The following ARHGEF40 variants were observed in gnomAD, a reference collection of about 807,000 sequenced individuals.
ARHGEF40 encodes Rho guanine nucleotide exchange factor 40.
ARHGEF40 carries 98 observed loss-of-function variants against 165.9 expected under a neutral mutation model. The ratio of observed to expected loss-of-function variants is 0.59; its 90% CI spans 0.50 to 0.70. The LOEUF is 0.70. Ranked by LOEUF, ARHGEF40 falls within the 30% of genes least tolerant of loss-of-function variation. The pLI is 0.00. For synonymous variants in ARHGEF40, 792 were observed against 814.3 expected (o/e 0.97, Z 0.47); for missense variants, 1,815 against 1,968.0 (o/e 0.92, Z 1.47).
At chr14:21,064,404 C>T in the ARHGEF40 span, among the ~76,000 whole-genome samples, 1 of 151,930 alleles carries the variant, frequency 6.6e-6, no homozygotes, top group Non-Finnish European at 1.5e-5. Flanking sequence ...TGGGTTCAAG[C>T]GATTCTCCTG....
At position 21,074,224 on chromosome 14, in the gene ARHGEF40, G is replaced by C. The variant is rs1887207492; in HGVS notation, c.494G>C (p.Cys165Ser). Residue 165 changes from cysteine (C) to serine (S), a missense_variant, in exon 3 of 24, where the codon TGC becomes TCC. By Grantham distance (112) the Cys-to-Ser change is moderately radical (BLOSUM62 -1). Transcript: ENST00000298694. The surrounding 1 kb of genome is among the most constrained non-coding windows in gnomAD (Gnocchi z 4.8). ...CGGCCAACAGGTCGCCTCAGTACCT[G>C]CCTACTGTCTGCGCCCTCTGGGATT... ...KDRPTGRLST[C>S]LLSAPSGIQR... is the part of the protein sequence containing the mutation. The C allele has an allele frequency of 6.2e-7, 1 of 1,614,026 alleles. No homozygotes were observed. Among genetic ancestry groups the C allele is most frequent in the South Asian group, 1.1e-5 (1 of 91,096 alleles).
At chr14:21,076,542 G>T (rs769019410) in intron 6 of ARHGEF40, 21 bp from the exon 7 acceptor site, 1 of 1,614,062 alleles carries the variant, frequency 6.2e-7, no homozygotes, top group African/African-American at 1.3e-5. Context: ...CCAGTTTAGG[G>T]TTATTCTTTT....
Position 21,073,327 on chromosome 14 carries a change from C to G in ARHGEF40, c.201+85C>G. Reference sequence around the variant, plus strand: ...CTAGCCAGGCTGACTAATGCCCCCACTAACCTAGAGATACAGCCTCCCTTG... The same window carrying G: ...CTAGCCAGGCTGACTAATGCCCCCAGTAACCTAGAGATACAGCCTCCCTTG... On this transcript the variant is annotated intron_variant, in intron 2 of 23. Coordinates refer to ENST00000298694, the MANE Select transcript of ARHGEF40 (RefSeq NM_018071.5). The surrounding 1 kb of genome is among the most constrained non-coding windows in gnomAD (Gnocchi z 4.6). 7.1e-7 allele frequency: 1 copy of G among 1,408,874 alleles called. No individual in the cohort carries two copies. Among genetic ancestry groups the G allele is most frequent in the South Asian group, 1.3e-5 (1 of 75,494 alleles). 87.3% of individuals were successfully genotyped at this position (1,408,874 alleles called of 1,614,324 possible).
chr14:21,078,084 T>A (rs986813992), intron 8 of ARHGEF40, 93 bp from the exon 9 acceptor site: 5 of 1,159,220 alleles, frequency 4.3e-6, no homozygotes, highest in Non-Finnish European at 4.8e-6. Context: ...ATTGCCTCCA[T>A]AAAAGTCTCT....
In ARHGEF40 at chr14:21,076,793, A is replaced by G; in HGVS notation, c.1937A>G (p.Glu646Gly). 1 of 1,614,130 alleles carries G rather than the reference A, an allele frequency of 6.2e-7. No homozygotes were observed. Among genetic ancestry groups the G allele is most frequent in the Middle Eastern group, 1.7e-4 (1 of 6,040 alleles). ...CTACAGGGTGCTGAGGTGCTGTCAG[A>G]GAATGATCTGAAAAGAGTGGCCAAG... ...CGFQGAEVLS[E>G]NDLKRVAKPE... Residue 646 changes from glutamate to glycine, a missense_variant, in exon 8 of 24, where the codon GAG becomes GGG. Physicochemically the swap from Glu to Gly is moderately conservative, Grantham distance 98. Transcript: ENST00000298694.
the ARHGEF40 span, among the ~76,000 whole-genome samples, chr14:21,061,864 C>T: frequency 5.9e-5 from 9 of 152,114 alleles, no homozygotes; most frequent in Admixed American, 2.6e-4. Context: ...TTGAATCATC[C>T]TATTTAGAAA....
Position 21,072,868 on chromosome 14 carries a change from G to C in ARHGEF40, c.4-177G>C, listed in dbSNP as rs1242709935. Among the ~76,000 whole-genome samples the C allele has an allele frequency of 6.6e-6, 1 of 152,156 alleles. No homozygotes were observed. The highest frequency in any genetic ancestry group is 1.9e-4 in the East Asian group (1 of 5,186). On this transcript the variant is annotated intron_variant, in intron 1 of 23. Transcript: ENST00000298694. The surrounding 1 kb of genome is among the most constrained non-coding windows in gnomAD (Gnocchi z 4.1). Reference sequence around the variant, plus strand: ...GCGCCCTGCCAGGTTTGTGCACTCTGGCCCAGCCCCACTCCTGTTCTGGGC... The same window carrying C: ...GCGCCCTGCCAGGTTTGTGCACTCTCGCCCAGCCCCACTCCTGTTCTGGGC...
chr14:21,078,148 T>G, intron 8 of ARHGEF40, 29 bp from the exon 9 acceptor site: 2 of 1,593,334 alleles, frequency 1.3e-6, no homozygotes, highest in Non-Finnish European at 1.7e-6. Context: ...ACTCTGATCC[T>G]CAACTCCATC....
intron 11 of ARHGEF40, among the ~76,000 whole-genome samples, chr14:21,080,000 G>A (rs3827911): frequency 0.62 from 94,100 of 151,944 alleles, 29,399 homozygotes; most frequent in African/African-American, 0.68. Flanking sequence ...GAAAGATCAA[G>A]TGAATTCAGC....
chr14:21,071,552 C>G (rs1489884928), intron 1 of ARHGEF40, among the ~76,000 whole-genome samples: 1 of 152,202 alleles, frequency 6.6e-6, no homozygotes, highest in Non-Finnish European at 1.5e-5. Context: ...TCTCTGGTCC[C>G]CGCCGGCAGG....
rs1312714471 is a variant in ARHGEF40 at position 21,073,953 on chromosome 14, T to C, written c.223T>C (p.Phe75Leu). 2 of 1,605,836 alleles carry C rather than the reference T, an allele frequency of 1.2e-6. No homozygotes were observed. Among genetic ancestry groups the C allele is most frequent in the Non-Finnish European group, 1.7e-6 (2 of 1,179,410 alleles). ...EACAQYSGFL[F>L]FHEGWPLCLH... Reference sequence around the variant, plus strand: ...CCAGGCCCAATACAGTGGATTCCTCTTCTTCCATGAGGGGTGGCCGCTCTG... The same window carrying C: ...CCAGGCCCAATACAGTGGATTCCTCCTCTTCCATGAGGGGTGGCCGCTCTG... The change falls in exon 3 of 24, where the codon TTC becomes CTC. Residue 75 changes from phenylalanine to leucine, a missense_variant. By Grantham distance (22) the Phe-to-Leu change is conservative. Transcript: ENST00000298694. The surrounding 1 kb of genome is among the most constrained non-coding windows in gnomAD (Gnocchi z 4.6).
Position 21,074,321 on chromosome 14 carries a change from G to A in ARHGEF40, c.591G>A (p.Gln197=), listed in dbSNP as rs780519105. 2 of 1,614,164 alleles carry A rather than the reference G, an allele frequency of 1.2e-6. No homozygotes were observed. The highest frequency in any genetic ancestry group is 1.7e-5 in the Admixed American group (1 of 60,026). The part of the protein sequence containing the change: ...VHKEGLMVGH[Q]PSTLPPELPS... ...AAGAGGGCCTCATGGTTGGACATCA[G>A]CCAAGTACACTGCCCCCAGAACTGC... The change falls in exon 3 of 24, where the codon CAG becomes CAA. Residue 197 remains glutamine (Q), a synonymous_variant. Transcript: ENST00000298694. This position sits in a 1 kb window ranked among gnomAD's most constrained non-coding sequence, Gnocchi z 4.8.
intron 15 of ARHGEF40, among the ~76,000 whole-genome samples, 162 bp from the exon 16 acceptor site, chr14:21,082,669 A>G (rs1888017665): frequency 6.6e-6 from 1 of 152,156 alleles, no homozygotes; most frequent in Non-Finnish European, 1.5e-5. Flanking sequence ...AGCTGCCTGG[A>G]CTATGCTCTC....
At chr14:21,086,854 G>A in intron 19 of ARHGEF40, 147 bp from the exon 20 acceptor site, 1 of 640,376 alleles carries the variant, frequency 1.6e-6, no homozygotes. Flanking sequence ...AACAGAAGGA[G>A]TAAAAAGAGA....
Position 21,080,719 on chromosome 14 carries a change from G to A in ARHGEF40, c.2433G>A (p.Gly811=). ...AGCTGGCAAGCTTTGCTATGCCTGG[G>A]GACACCTTGTCTGCCCTGCAGGAGA... is the stretch of plus-strand genomic sequence containing the variant. ...EEQLASFAMP[G]DTLSALQETE... The change falls in exon 12 of 24, where the codon GGG becomes GGA. Residue 811 remains glycine, a synonymous_variant. Coordinates refer to ENST00000298694, the MANE Select transcript of ARHGEF40 (RefSeq NM_018071.5). 6.2e-7 allele frequency: 1 copy of A among 1,612,206 alleles called. No homozygotes were observed. The highest frequency in any genetic ancestry group is 2.2e-5 in the East Asian group (1 of 44,858).
At position 21,075,678 on chromosome 14, in the gene ARHGEF40, C is replaced by G; in HGVS notation, c.1652C>G (p.Thr551Ser). 2.5e-6 allele frequency: 4 copies of G among 1,613,954 alleles called. No homozygotes were observed. The highest frequency in any genetic ancestry group is 3.4e-6 in the Non-Finnish European group (4 of 1,179,992). ...GVDQSGRALL[T>S]ITPPCPPEEP... is the part of the protein sequence containing the mutation. The stretch of plus-strand genomic sequence containing the variant: ...GACCAGAGTGGGCGAGCTCTGCTGA[C>G]CATTACCCCACCGTGCCCTCCTGAG... The change falls in exon 5 of 24, where the codon ACC (threonine) becomes AGC (serine). Residue 551 changes from threonine (T) to serine (S), a missense_variant. By Grantham distance (58) the Thr-to-Ser change is moderately conservative. Coordinates refer to ENST00000298694, the MANE Select transcript of ARHGEF40 (RefSeq NM_018071.5). The surrounding 1 kb of genome is among the most constrained non-coding windows in gnomAD (Gnocchi z 4.5).
At chr14:21,062,708 A>AGTGTGTGTGTGTGTGTGT in the ARHGEF40 span, among the ~76,000 whole-genome samples, 2,896 of 130,966 alleles carry the variant, frequency 0.022, 71 homozygotes, top group East Asian at 0.038. Flanking sequence ...GGCTGGGCAC[A>AGTGTGTGTGTGTGTGTGT]GTGTGTGTGT....
chr14:21,087,239 T>C, intron 20 of ARHGEF40, 81 bp from the exon 21 acceptor site: 2 of 1,576,862 alleles, frequency 1.3e-6, no homozygotes, highest in Non-Finnish European at 1.7e-6. Context: ...GGAGGCCCTC[T>C]GTGAGACTGA....
At position 21,078,236 on chromosome 14, in the gene ARHGEF40, TG is replaced by T. The variant is rs1370480266; in HGVS notation, c.2095del (p.Glu699ArgfsTer30). The T allele has an allele frequency of 6.2e-7, 1 of 1,613,838 alleles. No individual in the cohort carries two copies. The highest frequency in any genetic ancestry group is 8.5e-7 in the Non-Finnish European group (1 of 1,179,990). On this transcript the variant is annotated frameshift_variant, in exon 9 of 24. Coordinates refer to ENST00000298694, the MANE Select transcript of ARHGEF40 (RefSeq NM_018071.5). LOFTEE classifies it high-confidence loss of function. ...GVLGSVRQAI[E>X]ELEGAAEPEE... ...TGCTGGGCTCGGTACGGCAGGCCAT[TG>T]AGGAGCTGGAGGGAGCAGCAGAGCC... is the stretch of plus-strand genomic sequence containing the variant.
Sources: allele counts gnomAD v4.1 joint callset (sites outside exome capture counted in the v4.1 genomes callset), GRCh38; gene constraint gnomAD v4.1.1; non-coding constraint Gnocchi (gnomAD v3.1); transcripts MANE v1.5; gene names NCBI Gene and HGNC (gene_info 2026-07-23, HGNC 2026-07-21).